The following B3GALT1 variants were observed in gnomAD, a reference collection of about 807,000 sequenced individuals.
B3GALT1 encodes the protein beta-1,3-galactosyltransferase 1.
Under a neutral mutation model 23.2 loss-of-function variants are expected in B3GALT1, and 10 were observed. That is an observed-to-expected ratio of 0.43 (90% CI 0.27 to 0.73). The LOEUF (loss-of-function observed/expected upper bound fraction) is 0.73. Ranked by LOEUF, B3GALT1 falls within the 30% of genes least tolerant of loss-of-function variation. The probability of loss-of-function intolerance (pLI) is 0.21; values close to 1 mark genes in which losing one functional copy is unlikely to be tolerated. For synonymous variants in B3GALT1, 156 were observed against 141.5 expected (o/e 1.10, Z -0.73); for missense variants, 299 against 405.4 (o/e 0.74, Z 2.25).
chr2:167,336,850 A>G (rs1457293378), intron 1 of B3GALT1, among the ~76,000 whole-genome samples: 1 of 152,128 alleles, frequency 6.6e-6, no homozygotes, highest in Non-Finnish European at 1.5e-5. Context: ...ATATCCTGAA[A>G]TGTGTCATGA....
intron 1 of B3GALT1, among the ~76,000 whole-genome samples, chr2:167,367,475 A>G (rs1697606450): frequency 6.6e-6 from 1 of 152,182 alleles, no homozygotes; most frequent in African/African-American, 2.4e-5. Context: ...TCGTATTACC[A>G]TATTACCTTG....
intron 1 of B3GALT1, among the ~76,000 whole-genome samples, chr2:167,396,335 TC>T (rs1331460632): frequency 1.3e-5 from 2 of 152,008 alleles, no homozygotes; most frequent in African/African-American, 2.4e-5. Context: ...GCAACACACT[TC>T]CTGTTTTGCT....
At position 167,665,643 on chromosome 2, in the gene B3GALT1, C is replaced by G. The variant is rs1686164076; in HGVS notation, c.-352+18677C>G. On this transcript the variant is annotated intron_variant, in intron 3 of 4. Transcript: ENST00000392690. ...TTGATTATTGCCACAATTTCAGATC[C>G]TGTTATTGGTCTATTCAGAGATTCA... is the stretch of plus-strand genomic sequence containing the variant. Among the ~76,000 whole-genome samples, 3 of 151,930 alleles carry G rather than the reference C, an allele frequency of 2.0e-5. 1 individual carries two copies. The South Asian group carries it at 6.2e-4, about 32-fold the overall frequency.
chr2:167,857,434 G>A (rs147823972), intron 4 of B3GALT1, among the ~76,000 whole-genome samples: 67 of 152,178 alleles, frequency 4.4e-4, no homozygotes, highest in African/African-American at 1.5e-3. Context: ...GATGAAAACT[G>A]GCAGGCTGAG....
intron 2 of B3GALT1, among the ~76,000 whole-genome samples, chr2:167,567,588 G>A (rs1684195164): frequency 6.6e-6 from 1 of 151,984 alleles, no homozygotes; most frequent in Non-Finnish European, 1.5e-5. Flanking sequence ...CTTTTTTAGA[G>A]CAGTTTTATT....
In B3GALT1 at chr2:167,622,545, G is replaced by T. The variant is rs557500300; in HGVS notation, c.-409-24364G>T. 6.6e-5 allele frequency among the ~76,000 whole-genome samples: 10 copies of T among 152,214 alleles called. No individual in the cohort carries two copies. In the South Asian group the frequency reaches 1.9e-3, roughly 28 times the overall value. On this transcript the variant is annotated intron_variant, in intron 2 of 4. Coordinates refer to ENST00000392690, the MANE Select transcript of B3GALT1 (RefSeq NM_020981.4). ...GCAGCTTATTGCTTTCAGCATTTAA[G>T]ACATTTTGGGTTGAGTCTTCTATAA...
intron 1 of B3GALT1, among the ~76,000 whole-genome samples, chr2:167,355,832 A>G (rs1422705045): frequency 6.6e-6 from 1 of 152,228 alleles, no homozygotes; most frequent in Non-Finnish European, 1.5e-5. Flanking sequence ...GACATTTTTA[A>G]TAAAGTGTAG....
chr2:167,817,064 C>T (rs1689008959), intron 3 of B3GALT1, among the ~76,000 whole-genome samples: 1 of 152,154 alleles, frequency 6.6e-6, no homozygotes, highest in Non-Finnish European at 1.5e-5. Flanking sequence ...GACGTGCTCT[C>T]CTTTAAAGTT....
At chr2:167,660,758 T>G (rs1461211802) in intron 3 of B3GALT1, among the ~76,000 whole-genome samples, 1 of 152,142 alleles carries the variant, frequency 6.6e-6, no homozygotes, top group East Asian at 1.9e-4. Flanking sequence ...ATGCTGACAT[T>G]TTCTTTAGCT....
intron 2 of B3GALT1, among the ~76,000 whole-genome samples, chr2:167,528,618 T>G (rs573112639): frequency 1.3e-5 from 2 of 152,142 alleles, no homozygotes; most frequent in Non-Finnish European, 2.9e-5. Flanking sequence ...CTCAGTTTCC[T>G]TATGTATAAA....
At chr2:167,778,694 G>A (rs940821960) in intron 3 of B3GALT1, among the ~76,000 whole-genome samples, 3 of 152,174 alleles carry the variant, frequency 2.0e-5, no homozygotes, top group Admixed American at 2.0e-4. Context: ...TTAACAAACA[G>A]AATCTTATGT....
intron 2 of B3GALT1, among the ~76,000 whole-genome samples, chr2:167,559,971 C>G (rs544004993): frequency 6.6e-6 from 1 of 152,178 alleles, no homozygotes; most frequent in East Asian, 1.9e-4. Context: ...AAAGATACTC[C>G]TCGAGAAGAG....
chr2:167,325,713 T>C (rs796758868), intron 1 of B3GALT1, among the ~76,000 whole-genome samples: 43 of 11,074 alleles, frequency 3.9e-3, no homozygotes, highest in African/African-American at 4.8e-3. Flanking sequence ...TTTTTTTTTT[T>C]TTTTTTTTTT....
At chr2:167,467,211 C>T (rs1213934377) in intron 1 of B3GALT1, among the ~76,000 whole-genome samples, 3 of 151,944 alleles carry the variant, frequency 2.0e-5, no homozygotes, top group Non-Finnish European at 4.4e-5. Context: ...GACTGACCCA[C>T]TCAGGACCTC....
rs114385001 is a variant in B3GALT1, at chr2:167,467,169, C to T, written c.-510-23008C>T. 5.8e-3 allele frequency among the ~76,000 whole-genome samples: 874 copies of T among 151,482 alleles called. 3 individuals are homozygous for T. The highest frequency in any genetic ancestry group is 0.02 in the African/African-American group (808 of 41,232). ...GGAGACATTCACATTCTGGAGCTGA[C>T]GGGAAGGGATATTAAGAAAAAGAGC... On this transcript the variant is annotated intron_variant, in intron 1 of 4. Transcript: ENST00000392690.
At chr2:167,661,880 T>G (rs1307128250) in intron 3 of B3GALT1, among the ~76,000 whole-genome samples, 1 of 152,074 alleles carries the variant, frequency 6.6e-6, no homozygotes, top group Non-Finnish European at 1.5e-5. Context: ...AACATGAAGC[T>G]ACACTATGAG....
At position 167,564,647 on chromosome 2, in the gene B3GALT1, G is replaced by A. The variant is rs1056936887; in HGVS notation, c.-410+74370G>A. On this transcript the variant is annotated intron_variant, in intron 2 of 4. Coordinates refer to ENST00000392690, the MANE Select transcript of B3GALT1 (RefSeq NM_020981.4). ...AGGCCGAGGCCGGCGGATCACTCGT[G>A]GCTAGGAGCTGGAGACCAGCCCGGC... is the stretch of plus-strand genomic sequence containing the variant. Among the ~76,000 whole-genome samples the A allele has an allele frequency of 7.2e-5, 11 of 152,152 alleles. 1 individual carries two copies. Among genetic ancestry groups the A allele is most frequent in the South Asian group, 2.1e-4 (1 of 4,832 alleles).
intron 2 of B3GALT1, among the ~76,000 whole-genome samples, chr2:167,553,828 A>G (rs557109149): frequency 1.2e-4 from 18 of 152,204 alleles, no homozygotes; most frequent in Non-Finnish European, 1.8e-4. Flanking sequence ...AGCTGATGCA[A>G]TTTTCAGAAA....
intron 3 of B3GALT1, among the ~76,000 whole-genome samples, chr2:167,760,827 G>T (rs1187940575): frequency 6.6e-6 from 1 of 152,124 alleles, no homozygotes; most frequent in Non-Finnish European, 1.5e-5. Flanking sequence ...ATATCATGTG[G>T]CACTAGAAAT....
Sources: gnomAD v4.1 joint callset for allele counts (sites outside exome capture counted in the v4.1 genomes callset) on GRCh38, gnomAD v4.1.1 for gene constraint, MANE v1.5 for transcripts, NCBI Gene and HGNC (gene_info 2026-07-23, HGNC 2026-07-21) for gene names.